Variants in PLA2G4D observed in about 807,000 individuals in gnomAD.
PLA2G4D encodes phospholipase A2 group IVD.
Under a neutral mutation model 94.4 loss-of-function variants are expected in PLA2G4D, and 80 were observed. The observed-to-expected ratio is 0.85, with a 90% CI of 0.71 to 1.02. PLA2G4D has a LOEUF of 1.02. Ranked by LOEUF, PLA2G4D falls within the 50% of genes least tolerant of loss-of-function variation. The pLI, the probability that PLA2G4D is intolerant of heterozygous loss-of-function variation, is 0.00. For missense variants in PLA2G4D, 1,050 were observed against 1,034.7 expected (o/e 1.01, Z -0.20); for synonymous variants, 438 against 440.9 (o/e 0.99, Z 0.08).
Position 42,086,194 on chromosome 15 carries a change from T to TTGGGGGGGGGCGG in PLA2G4D, c.387+18_387+19insCCGCCCCCCCCCA. On this transcript the variant is annotated intron_variant, in intron 4 of 19. Coordinates refer to ENST00000290472, the MANE Select transcript of PLA2G4D (RefSeq NM_178034.4). Reference sequence around the variant, plus strand: ...GGAAGAAGTGGGGCCCACGGGGACTTCCCCACCCACCCACCCACCTGGGGA... The same window carrying TTGGGGGGGGGCGG: ...GGAAGAAGTGGGGCCCACGGGGACTTTGGGGGGGGGCGGCCCCACCCACCCACCCACCTGGGGA... The TTGGGGGGGGGCGG allele has an allele frequency of 2.2e-6, 3 of 1,370,434 alleles. No individual in the cohort carries two copies. The highest frequency in any genetic ancestry group is 1.6e-5 in the African/African-American group (1 of 64,356). 84.9% of individuals were successfully genotyped at this position (1,370,434 alleles called of 1,614,324 possible). A position where few individuals can be genotyped will look rare whatever the true frequency, so the allele number is the denominator to read the frequency against.
rs537143420 is a variant in PLA2G4D at position 42,080,035 on chromosome 15, C to T, written c.1095-276G>A. Among the ~76,000 whole-genome samples, 27 of 152,292 alleles carry T rather than the reference C, an allele frequency of 1.8e-4. No homozygotes were observed. In the East Asian group the frequency reaches 1.9e-3, roughly 11 times the overall value. On this transcript the variant is annotated intron_variant, in intron 12 of 19. Coordinates refer to ENST00000290472, the MANE Select transcript of PLA2G4D (RefSeq NM_178034.4). The stretch of plus-strand genomic sequence containing the variant: ...ATTAATTTTAATATTTTATTTAATT[C>T]GCTATATTCAAAAATATCATTTCAA...
rs375191187 is a variant in PLA2G4D, at chr15:42,085,487, T to G, written c.428+4A>C. The G allele has an allele frequency of 1.1e-4, 173 of 1,613,922 alleles. No individual in the cohort carries two copies. The highest frequency in any genetic ancestry group is 1.4e-4 in the Non-Finnish European group (167 of 1,180,000). On this transcript the variant is annotated splice_donor_region_variant and intron_variant, in intron 5 of 19. Coordinates refer to ENST00000290472, the MANE Select transcript of PLA2G4D (RefSeq NM_178034.4). ...CACTCCCTGGGCTGTGTGACATTAC[T>G]CACGTTTCTTCCATCAGGAACTCCA... is the stretch of plus-strand genomic sequence containing the variant.
rs762626365 is a variant in PLA2G4D at position 42,071,768 on chromosome 15, C to T, written c.1573+6G>A. 7 of 1,613,962 alleles carry T rather than the reference C, an allele frequency of 4.3e-6. No homozygotes were observed. Among genetic ancestry groups the T allele is most frequent in the African/African-American group, 2.7e-5 (2 of 74,996 alleles). On this transcript the variant is annotated splice_donor_region_variant and intron_variant, in intron 15 of 19. Transcript: ENST00000290472. ...TGCCCAGGGCCTTCAGAGCCACCAC[C>T]CTCACCTTCCAGAAAGCAGATCCGG...
intron 13 of PLA2G4D, among the ~76,000 whole-genome samples, chr15:42,075,184 A>G (rs1595592191): frequency 2.0e-5 from 3 of 152,230 alleles, no homozygotes; most frequent in African/African-American, 7.2e-5. Context: ...AAGCATTTCT[A>G]TTTTTGTGAA....
chr15:42,086,194 T>TTGGGGGGGGGGGGGGGGGGG lies in PLA2G4D; in HGVS notation c.387+18_387+19insCCCCCCCCCCCCCCCCCCCA. The TTGGGGGGGGGGGGGGGGGGG allele has an allele frequency of 4.5e-5, 61 of 1,370,392 alleles. No individual in the cohort carries two copies. Among genetic ancestry groups the TTGGGGGGGGGGGGGGGGGGG allele is most frequent in the Admixed American group, 5.9e-5 (2 of 34,018 alleles). The allele number at this position is 1,370,392 out of a possible 1,614,324, so 84.9% of individuals were successfully genotyped here. A position where few individuals can be genotyped will look rare whatever the true frequency, so the allele number is the denominator to read the frequency against. ...GGAAGAAGTGGGGCCCACGGGGACT[T>TTGGGGGGGGGGGGGGGGGGG]CCCCACCCACCCACCCACCTGGGGA... On this transcript the variant is annotated intron_variant, in intron 4 of 19. Transcript: ENST00000290472.
In PLA2G4D at chr15:42,085,142, G is replaced by GAAAAATCA. The variant is rs751053155; in HGVS notation, c.429-12_429-5dup. 2.3e-5 allele frequency: 37 copies of GAAAAATCA among 1,614,034 alleles called. No homozygotes were observed. The highest frequency in any genetic ancestry group is 3.1e-5 in the Non-Finnish European group (37 of 1,180,028). ...GAGGTTTTCTGGGCGATCTGACCTG[G>GAAAAATCA]AAAAATCAAACCATGCAAAGGCAAA... On this transcript the variant is annotated splice_region_variant and splice_polypyrimidine_tract_variant and intron_variant, in intron 5 of 19. Coordinates refer to ENST00000290472, the MANE Select transcript of PLA2G4D (RefSeq NM_178034.4).
intron 17 of PLA2G4D, 36 bp from the exon 18 acceptor site, chr15:42,070,919 C>G (rs771638135): frequency 3.8e-6 from 6 of 1,594,136 alleles, no homozygotes; most frequent in South Asian, 2.3e-5. Flanking sequence ...AGGCCACCAC[C>G]CTGCCACAGG....
intron 16 of PLA2G4D, 37 bp from the exon 17 acceptor site, chr15:42,071,354 C>T: frequency 6.4e-7 from 1 of 1,571,390 alleles, no homozygotes; most frequent in Non-Finnish European, 8.6e-7. Flanking sequence ...CCCTTCTTCC[C>T]CTTACTTCTT....
intron 2 of PLA2G4D, 39 bp from the exon 3 acceptor site, chr15:42,087,475 C>T (rs762818467): frequency 1.2e-6 from 2 of 1,613,162 alleles, no homozygotes; most frequent in South Asian, 2.2e-5. Flanking sequence ...GGAGTACTCC[C>T]CACACCCCTC....
chr15:42,074,686 T>G (rs1267388213), intron 13 of PLA2G4D, among the ~76,000 whole-genome samples: 4 of 152,214 alleles, frequency 2.6e-5, no homozygotes, highest in African/African-American at 4.8e-5. Context: ...AATGGAGTTA[T>G]ATATTCTGAC....
At chr15:42,074,957 T>G (rs1353443690) in intron 13 of PLA2G4D, among the ~76,000 whole-genome samples, 1 of 152,212 alleles carries the variant, frequency 6.6e-6, no homozygotes, top group Admixed American at 6.5e-5. Context: ...AGAGTCTCAC[T>G]CTAAAGCCCA....
intron 3 of PLA2G4D, among the ~76,000 whole-genome samples, chr15:42,086,616 T>C (rs1408455809): frequency 2.6e-5 from 4 of 152,180 alleles, no homozygotes; most frequent in Non-Finnish European, 4.4e-5. Context: ...TTTGGGAGGC[T>C]GAGGTGGGTG....
intron 15 of PLA2G4D, 100 bp from the exon 16 acceptor site, chr15:42,071,651 T>C: frequency 7.0e-7 from 1 of 1,435,084 alleles, no homozygotes; most frequent in Non-Finnish European, 9.7e-7. Context: ...ACCCCTACAA[T>C]GCATCCCCCC....
Position 42,071,761 on chromosome 15 carries a change from CCACCACCCT to C in PLA2G4D, c.1573+4_1573+12del. The C allele has an allele frequency of 6.2e-7, 1 of 1,613,620 alleles. No individual in the cohort carries two copies. The highest frequency in any genetic ancestry group is 8.5e-7 in the Non-Finnish European group (1 of 1,179,864). The stretch of plus-strand genomic sequence containing the variant: ...CCAGGGCTGCCCAGGGCCTTCAGAG[CCACCACCCT>C]CACCTTCCAGAAAGCAGATCCGGGG... On this transcript the variant is annotated splice_donor_5th_base_variant and intron_variant, in intron 15 of 19. Coordinates refer to ENST00000290472, the MANE Select transcript of PLA2G4D (RefSeq NM_178034.4).
chr15:42,070,586 G>T, intron 18 of PLA2G4D, 131 bp downstream of exon 18: 2 of 1,178,992 alleles, frequency 1.7e-6, no homozygotes, highest in Non-Finnish European at 2.4e-6. Context: ...GGAGCCAGCA[G>T]ATCAAGGCCT....
Position 42,081,777 on chromosome 15 carries a change from C to A in PLA2G4D, c.821+20G>T. On this transcript the variant is annotated intron_variant, in intron 10 of 19. Coordinates refer to ENST00000290472, the MANE Select transcript of PLA2G4D (RefSeq NM_178034.4). ...GCATGCCCGCCTCTCACTGTCCCCA[C>A]AGATGTGAATGTCCCTTACCAGCCC... 6.2e-7 allele frequency: 1 copy of A among 1,614,208 alleles called. No individual in the cohort carries two copies.
At position 42,083,314 on chromosome 15, in the gene PLA2G4D, C is replaced by G. The variant is rs1766466049; in HGVS notation, c.556G>C (p.Glu186Gln). The change falls in exon 8 of 20, where the codon GAG becomes CAG. Residue 186 changes from glutamate (E) to glutamine (Q), a missense_variant. Physicochemically the swap from Glu to Gln is conservative, Grantham distance 29. Coordinates refer to ENST00000290472, the MANE Select transcript of PLA2G4D (RefSeq NM_178034.4). ...VVADQDKLEL[E>Q]LVLKGSYEDT... ...TCATAGGACCCCTTCAGCACCAGCT[C>G]CAGCTCCAGCTTGTCCTGATCTAGG... 5 of 1,613,854 alleles carry G rather than the reference C, an allele frequency of 3.1e-6. No homozygotes were observed. Among genetic ancestry groups the G allele is most frequent in the Non-Finnish European group, 4.2e-6 (5 of 1,179,888 alleles).
intron 11 of PLA2G4D, 65 bp from the exon 12 acceptor site, chr15:42,081,198 G>C (rs767360088): frequency 8.2e-5 from 129 of 1,581,094 alleles, no homozygotes; most frequent in Non-Finnish European, 2.4e-5. Flanking sequence ...GTCTCACCCA[G>C]GGCCCTGCCC....
chr15:42,080,971 G>A, intron 12 of PLA2G4D, 26 bp downstream of exon 12: 2 of 1,609,740 alleles, frequency 1.2e-6, no homozygotes, highest in South Asian at 1.1e-5. Context: ...GATTGTCTCT[G>A]CCACCCAGTC....
Sources: allele counts gnomAD v4.1 joint callset (sites outside exome capture counted in the v4.1 genomes callset), GRCh38; gene constraint gnomAD v4.1.1; transcripts MANE v1.5; gene names NCBI Gene and HGNC (gene_info 2026-07-23, HGNC 2026-07-21).